The following PIK3CB variants were observed in gnomAD, a reference collection of about 807,000 sequenced individuals.
The protein encoded by PIK3CB is phosphatidylinositol-4,5-bisphosphate 3-kinase catalytic subunit beta, also known as phosphatidylinositol 4,5-bisphosphate 3-kinase catalytic subunit beta isoform.
In PIK3CB, 39 loss-of-function variants were observed where a neutral mutation model predicts 136.8. That is an observed-to-expected ratio of 0.29 (90% CI 0.22 to 0.37). PIK3CB has a LOEUF of 0.37. PIK3CB is among the 10% of genes least tolerant of loss of function. The pLI, the probability that PIK3CB is intolerant of heterozygous loss-of-function variation, is 1.00. For missense variants in PIK3CB, 868 were observed against 1,275.4 expected (o/e 0.68, Z 4.87); for synonymous variants, 428 against 436.6 (o/e 0.98, Z 0.25).
Position 138,737,904 on chromosome 3 carries a change from T to C in PIK3CB, c.622-18A>G. On this transcript the variant is annotated intron_variant, in intron 5 of 23. Coordinates refer to ENST00000674063, the MANE Select transcript of PIK3CB (RefSeq NM_006219.3). Reference sequence around the variant, plus strand: ...AACACGTCCTGAAGGGGGAGGGAGATGGGGAAAAAAGCAGTAAATGTTATA... The same window carrying C: ...AACACGTCCTGAAGGGGGAGGGAGACGGGGAAAAAAGCAGTAAATGTTATA... The C allele has an allele frequency of 6.6e-7, 1 of 1,523,022 alleles. No homozygotes were observed. Among genetic ancestry groups the C allele is most frequent in the Non-Finnish European group, 8.9e-7 (1 of 1,121,234 alleles). The allele number at this position is 1,523,022 out of a possible 1,614,324, so 94.3% of individuals were successfully genotyped here.
At chr3:138,710,328 G>A (rs111732441) in intron 10 of PIK3CB, among the ~76,000 whole-genome samples, 84 of 152,214 alleles carry the variant, frequency 5.5e-4, no homozygotes, top group African/African-American at 1.8e-3. Flanking sequence ...CTATTAGATT[G>A]CAAAGAGTTT....
chr3:138,735,041 T>C (rs775829024), intron 6 of PIK3CB, among the ~76,000 whole-genome samples: 1 of 151,004 alleles, frequency 6.6e-6, no homozygotes, highest in Non-Finnish European at 1.5e-5. Context: ...CTCAATCTCC[T>C]GGGCTAAAGC....
At chr3:138,716,893 CAAAAAAAAAAA>C (rs376627250) in intron 8 of PIK3CB, among the ~76,000 whole-genome samples, 2 of 11,090 alleles carry the variant, frequency 1.8e-4, no homozygotes, top group African/African-American at 2.4e-4. Flanking sequence ...GATTGTGTCT[CAAAAAAAAAAA>C]AAAAAAAAAA....
intron 1 of PIK3CB, among the ~76,000 whole-genome samples, chr3:138,816,980 C>T (rs1933362267): frequency 6.6e-6 from 1 of 151,748 alleles, no homozygotes. Flanking sequence ...GCAGGTGGAT[C>T]GCTGGAGGTC....
intron 4 of PIK3CB, among the ~76,000 whole-genome samples, chr3:138,754,602 G>A (rs1000337925): frequency 2.6e-5 from 4 of 151,930 alleles, no homozygotes; most frequent in African/African-American, 9.7e-5. Context: ...TTGTTAACTG[G>A]GAAAAATTTA....
intron 4 of PIK3CB, among the ~76,000 whole-genome samples, chr3:138,748,529 T>C (rs888058055): frequency 6.6e-6 from 1 of 152,200 alleles, no homozygotes; most frequent in Non-Finnish European, 1.5e-5. Flanking sequence ...ATACTATCAA[T>C]ATATGAATAT....
At chr3:138,812,641 C>T (rs1933125189) in intron 1 of PIK3CB, among the ~76,000 whole-genome samples, 1 of 152,078 alleles carries the variant, frequency 6.6e-6, no homozygotes, top group African/African-American at 2.4e-5. Flanking sequence ...GATTCTCCTG[C>T]CTCAGCCTCC....
intron 1 of PIK3CB, among the ~76,000 whole-genome samples, chr3:138,826,654 G>A (rs980018208): frequency 2.6e-5 from 4 of 151,612 alleles, no homozygotes; most frequent in South Asian, 2.1e-4. Context: ...AAAAGATATG[G>A]TAACTCTAAA....
At chr3:138,710,748 G>A (rs1189080638) in intron 10 of PIK3CB, among the ~76,000 whole-genome samples, 1 of 152,144 alleles carries the variant, frequency 6.6e-6, no homozygotes, top group Non-Finnish European at 1.5e-5. Flanking sequence ...CGTGTGGAAG[G>A]TGCTCCATTT....
At chr3:138,795,021 T>TA (rs1022554951) in intron 2 of PIK3CB, among the ~76,000 whole-genome samples, 25 of 150,940 alleles carry the variant, frequency 1.7e-4, no homozygotes, top group Non-Finnish European at 2.8e-4. Context: ...CCCATTTTCT[T>TA]AAAAAAAAAT....
chr3:138,791,380 C>T (rs773305337), intron 2 of PIK3CB, among the ~76,000 whole-genome samples: 85 of 152,070 alleles, frequency 5.6e-4, no homozygotes, highest in Non-Finnish European at 4.6e-4. Context: ...AGGGATCTGC[C>T]CGTCTCAGCC....
chr3:138,829,892 GTGTCA>G (rs1933946533), intron 1 of PIK3CB, among the ~76,000 whole-genome samples: 2 of 152,100 alleles, frequency 1.3e-5, no homozygotes, highest in Admixed American at 6.6e-5. Context: ...CGAAATGAAG[GTGTCA>G]TGTAGGCAGG....
intron 2 of PIK3CB, among the ~76,000 whole-genome samples, chr3:138,776,224 A>G (rs1344083792): frequency 6.6e-6 from 1 of 152,072 alleles, no homozygotes; most frequent in Non-Finnish European, 1.5e-5. Flanking sequence ...AGAAAGAAAA[A>G]TGACATTAGT....
intron 2 of PIK3CB, among the ~76,000 whole-genome samples, chr3:138,789,494 C>A (rs923066647): frequency 2.6e-5 from 4 of 152,008 alleles, no homozygotes; most frequent in Non-Finnish European, 1.5e-5. Flanking sequence ...GCATATGATC[C>A]ACTATGATCT....
chr3:138,794,026 G>A (rs932051924), intron 2 of PIK3CB, among the ~76,000 whole-genome samples: 10 of 152,068 alleles, frequency 6.6e-5, no homozygotes, highest in African/African-American at 2.2e-4. Context: ...GCAATGCCGC[G>A]ATCTCAGCTT....
chr3:138,698,954 T>C lies in PIK3CB; in HGVS notation c.1723A>G (p.Lys575Glu), dbSNP rs1377442424. ...CREIFPQSLP[K>E]LLLSIKWNKL... The stretch of plus-strand genomic sequence containing the variant: ...TTCCACTTGATTGACAGCAGTAATT[T>C]TGGCAGTGATTGTGGGAAAATCTCT... Residue 575 changes from lysine (K) to glutamate (E), a missense_variant, in exon 13 of 24, where the codon AAA becomes GAA. This residue lies in a region of PIK3CB where 612 missense variants were observed against 801.1 expected (regional missense o/e 0.76). Transcript: ENST00000674063. 10 of 1,602,750 alleles carry C rather than the reference T, an allele frequency of 6.2e-6. No individual in the cohort carries two copies. The highest frequency in any genetic ancestry group is 1.3e-5 in the African/African-American group (1 of 74,768).
chr3:138,671,966 G>C lies in PIK3CB; in HGVS notation c.2505-6763C>G, dbSNP rs139118925. Among the ~76,000 whole-genome samples, 45 of 152,160 alleles carry C rather than the reference G, an allele frequency of 3.0e-4. No homozygotes were observed. In the Middle Eastern group the frequency reaches 0.017, roughly 58 times the overall value. On this transcript the variant is annotated intron_variant, in intron 19 of 23. Transcript: ENST00000674063. ...AGGGGTGTCTGTAATGAGCTAGAAA[G>C]TTAGTCCTCTTTCTAAATAAGGAAA...
rs2043146460 is a variant in PIK3CB, at chr3:138,653,388, G to T, written c.*2001C>A. 1 of 174,992 alleles carries T rather than the reference G, an allele frequency of 5.7e-6. No homozygotes were observed. The highest frequency in any genetic ancestry group is 1.2e-5 in the Non-Finnish European group (1 of 81,116). The allele number at this position is 174,992 out of a possible 1,614,324, so 10.8% of individuals were successfully genotyped here. A position where few individuals can be genotyped will look rare whatever the true frequency, so the allele number is the denominator to read the frequency against. Reference sequence around the variant, plus strand: ...AAGAAAACAGGAAAGATACAATTTGGTGCCCATATGGGAAAAACAGTTGAC... The same window carrying T: ...AAGAAAACAGGAAAGATACAATTTGTTGCCCATATGGGAAAAACAGTTGAC... On this transcript the variant is annotated 3_prime_UTR_variant, in exon 24 of 24. Coordinates refer to ENST00000674063, the MANE Select transcript of PIK3CB (RefSeq NM_006219.3).
intron 12 of PIK3CB, among the ~76,000 whole-genome samples, chr3:138,699,512 A>C (rs1299318600): frequency 6.6e-6 from 1 of 152,112 alleles, no homozygotes; most frequent in Non-Finnish European, 1.5e-5. Flanking sequence ...ACAAAAAAAA[A>C]AGGATAATGA....
Sources: allele counts gnomAD v4.1 joint callset (sites outside exome capture counted in the v4.1 genomes callset), GRCh38; gene constraint gnomAD v4.1.1; regional missense constraint gnomAD v4.1.1; transcripts MANE v1.5; gene names NCBI Gene and HGNC (gene_info 2026-07-23, HGNC 2026-07-21).